The following MRPL58 variants were observed in gnomAD, a reference collection of about 807,000 sequenced individuals.
MRPL58 encodes the protein mitochondrial ribosomal protein L58.
In MRPL58, 17 loss-of-function variants were observed where a neutral mutation model predicts 26.0. The ratio of observed to expected loss-of-function variants is 0.65; its 90% CI spans 0.45 to 0.98. The LOEUF is 0.98. MRPL58 is among the 50% of genes least tolerant of loss of function. MRPL58 has a pLI of 0.00. For missense variants in MRPL58, 250 were observed against 269.0 expected, an observed-to-expected ratio of 0.93 and a Z score of 0.49; for synonymous variants, 100 against 99.7, an observed-to-expected ratio of 1.00 and a Z score of -0.02.
Position 75,020,351 on chromosome 17 carries a change from G to T in MRPL58, c.322G>T (p.Ala108Ser). 1.2e-6 allele frequency: 2 copies of T among 1,614,148 alleles called. No homozygotes were observed. The highest frequency in any genetic ancestry group is 1.7e-6 in the Non-Finnish European group (2 of 1,180,024). ...AGAAGTCAGGTTCCATTTGGCAACT[G>T]CCGAGTGGATCGCGGAGCCCGTGCG... ...KAEVRFHLAT[A>S]EWIAEPVRQK... Residue 108 changes from alanine (A) to serine (S), a missense_variant, in exon 4 of 6, where the codon GCC (alanine) becomes TCC (serine). Physicochemically the swap from Ala to Ser is moderately conservative, Grantham distance 99. Coordinates refer to ENST00000301585, the MANE Select transcript of MRPL58 (RefSeq NM_001545.3).
rs540669075 is a variant in MRPL58 at position 75,012,756 on chromosome 17, C to T, written c.70C>T (p.Arg24Trp). ...AGTCTGGCTGCTCCCACCGCCCGCA[C>T]GGTGCCCACGCCGGGCGCTGCACAA... ...AGVWLLPPPARCPRRALHKQK... is the reference protein window; with the variant it reads ...AGVWLLPPPAWCPRRALHKQK... Residue 24 changes from arginine to tryptophan, a missense_variant, in exon 1 of 6, where the codon CGG (arginine) becomes TGG (tryptophan). Coordinates refer to ENST00000301585, the MANE Select transcript of MRPL58 (RefSeq NM_001545.3). The T allele has an allele frequency of 1.4e-5, 23 of 1,592,978 alleles. No homozygotes were observed. Among genetic ancestry groups the T allele is most frequent in the East Asian group, 2.3e-5 (1 of 43,522 alleles).
At chr17:75,019,061 T>C (rs942189070) in intron 2 of MRPL58, among the ~76,000 whole-genome samples, 4 of 151,920 alleles carry the variant, frequency 2.6e-5, no homozygotes, top group African/African-American at 7.2e-5. Flanking sequence ...GCCTGGGATG[T>C]TGAGGCTGCA....
At position 75,019,125 on chromosome 17, in the gene MRPL58, G is replaced by T. The variant is rs758702411; in HGVS notation, c.224-575G>T. On this transcript the variant is annotated intron_variant, in intron 2 of 5. Transcript: ENST00000301585. ...AGCCTGGGTGCCAGAGTGAGACCCTGTCTCAAAAAAAAAAAAAATGAAGCT... is the reference window on the plus strand; with the variant it reads ...AGCCTGGGTGCCAGAGTGAGACCCTTTCTCAAAAAAAAAAAAAATGAAGCT... Among the ~76,000 whole-genome samples the T allele has an allele frequency of 1.9e-3, 234 of 122,460 alleles. 1 individual carries two copies. Among genetic ancestry groups the T allele is most frequent in the Non-Finnish European group, 3.3e-3 (200 of 60,820 alleles). The allele number at this position is 122,460 out of a possible 152,430, so 80.3% of individuals were successfully genotyped here.
intron 1 of MRPL58, among the ~76,000 whole-genome samples, chr17:75,014,027 A>C (rs370075436): frequency 6.6e-6 from 1 of 152,208 alleles, no homozygotes; most frequent in Non-Finnish European, 1.5e-5. Flanking sequence ...AGGAGATTGC[A>C]ATGTAGGGCA....
In MRPL58 at chr17:75,020,938, G is replaced by A. The variant is rs528370211; in HGVS notation, c.554G>A (p.Arg185Gln). 1.1e-5 allele frequency: 18 copies of A among 1,613,672 alleles called. No individual in the cohort carries two copies. In the Admixed American group the frequency reaches 1.7e-4, roughly 15 times the overall value. The part of the protein sequence containing the change: ...LHRIRIENMN[R>Q]ERLRQKRIHS... Reference sequence around the variant, plus strand: ...GTTTTCAGGATAGAAAACATGAATCGGGAAAGGCTGAGACAAAAGAGAATT... The same window carrying A: ...GTTTTCAGGATAGAAAACATGAATCAGGAAAGGCTGAGACAAAAGAGAATT... Residue 185 changes from arginine (R) to glutamine (Q), a missense_variant, in exon 6 of 6, where the codon CGG becomes CAG. Coordinates refer to ENST00000301585, the MANE Select transcript of MRPL58 (RefSeq NM_001545.3).
At chr17:75,016,342 A>T (rs904302133) in intron 1 of MRPL58, among the ~76,000 whole-genome samples, 3 of 151,808 alleles carry the variant, frequency 2.0e-5, no homozygotes, top group African/African-American at 7.3e-5. Context: ...CTTGAACCCA[A>T]GAGGCGGAGG....
chr17:75,018,576 A>C (rs1385027716), intron 2 of MRPL58: 1 of 151,986 alleles, frequency 6.6e-6, no homozygotes, highest in African/African-American at 2.4e-5. Flanking sequence ...TTATATCCCT[A>C]TCTGTGTAGA....
chr17:75,015,744 C>G (rs1016798714), intron 1 of MRPL58, among the ~76,000 whole-genome samples: 15 of 152,004 alleles, frequency 9.9e-5, no homozygotes, highest in Non-Finnish European at 1.5e-4. Context: ...GGGTTTCATC[C>G]CCAAATAATT....
rs140000099 is a variant in MRPL58, at chr17:75,020,353, C to T, written c.324C>T (p.Ala108=). 1.4e-5 allele frequency: 23 copies of T among 1,614,144 alleles called. No individual in the cohort carries two copies. In the East Asian group the frequency reaches 2.0e-4, roughly 14 times the overall value. Residue 108 remains alanine, a synonymous_variant, in exon 4 of 6, where the codon GCC becomes GCT. Coordinates refer to ENST00000301585, the MANE Select transcript of MRPL58 (RefSeq NM_001545.3). The part of the protein sequence containing the change: ...KAEVRFHLAT[A]EWIAEPVRQK... ...AAGTCAGGTTCCATTTGGCAACTGC[C>T]GAGTGGATCGCGGAGCCCGTGCGGC...
intron 5 of MRPL58, 126 bp downstream of exon 5, chr17:75,020,783 C>A: frequency 8.0e-7 from 1 of 1,254,432 alleles, no homozygotes; most frequent in African/African-American, 1.5e-5. Flanking sequence ...GGAGAGGATG[C>A]TGACCTGGGA....
chr17:75,019,307 C>A (rs2039997693), intron 2 of MRPL58, among the ~76,000 whole-genome samples: 1 of 152,180 alleles, frequency 6.6e-6, no homozygotes, highest in Admixed American at 6.5e-5. Flanking sequence ...CAGCCTCCCA[C>A]ACTCTCATGG....
rs2040005964 is a variant in MRPL58, at chr17:75,020,328, A to C, written c.299A>C (p.Glu100Ala). The C allele has an allele frequency of 6.2e-7, 1 of 1,614,044 alleles. No individual in the cohort carries two copies. ...QNVNKVNSKA[E>A]VRFHLATAEW... ...TCCTCCACAGTGAATTCCAAGGCAGAAGTCAGGTTCCATTTGGCAACTGCC... is the reference window on the plus strand; with the variant it reads ...TCCTCCACAGTGAATTCCAAGGCAGCAGTCAGGTTCCATTTGGCAACTGCC... Residue 100 changes from glutamate (E) to alanine (A), a missense_variant, in exon 4 of 6, where the codon GAA (glutamate) becomes GCA (alanine). Physicochemically the swap from Glu to Ala is moderately radical, Grantham distance 107. Coordinates refer to ENST00000301585, the MANE Select transcript of MRPL58 (RefSeq NM_001545.3).
At chr17:75,013,008 T>G (rs190108287) in intron 1 of MRPL58, 136 bp downstream of exon 1, 86 of 794,030 alleles carry the variant, frequency 1.1e-4, no homozygotes, top group Middle Eastern at 6.4e-4. Context: ...GGGCTGGCTG[T>G]CTGCGCTAAC....
intron 3 of MRPL58, 49 bp downstream of exon 3, chr17:75,019,808 A>G: frequency 6.7e-7 from 1 of 1,497,556 alleles, no homozygotes; most frequent in Non-Finnish European, 9.2e-7. Context: ...TAGCTGGGAG[A>G]TGGGCTTGAG....
At chr17:75,017,818 G>A (rs577766544) in intron 2 of MRPL58, among the ~76,000 whole-genome samples, 25 of 152,128 alleles carry the variant, frequency 1.6e-4, no homozygotes, top group Non-Finnish European at 2.9e-5. Flanking sequence ...CAGCTACTCG[G>A]AAGGCTGAGG....
chr17:75,018,768 G>A (rs1041835400), intron 2 of MRPL58: 12 of 152,078 alleles, frequency 7.9e-5, no homozygotes, highest in Non-Finnish European at 1.8e-4. Flanking sequence ...GTTACAGCCT[G>A]TAAAGAAACA....
intron 1 of MRPL58, among the ~76,000 whole-genome samples, chr17:75,015,560 G>A (rs566558401): frequency 6.6e-6 from 1 of 152,222 alleles, no homozygotes; most frequent in South Asian, 2.1e-4. Flanking sequence ...GAGAGAGAGA[G>A]AAGTATTTCA....
chr17:75,020,922 A>C lies in MRPL58; in HGVS notation c.538A>C (p.Ile180Leu). The C allele has an allele frequency of 6.2e-7, 1 of 1,611,412 alleles. No homozygotes were observed. The highest frequency in any genetic ancestry group is 8.5e-7 in the Non-Finnish European group (1 of 1,177,590). ...KEDVKLHRIRIENMNRERLRQ... is the reference protein window; with the variant it reads ...KEDVKLHRIRLENMNRERLRQ... ...TAATTGCAGTCTTTTTGTTTTCAGG[A>C]TAGAAAACATGAATCGGGAAAGGCT... Residue 180 changes from isoleucine to leucine, a missense_variant and splice_region_variant, in exon 6 of 6, where the codon ATA (isoleucine) becomes CTA (leucine). Coordinates refer to ENST00000301585, the MANE Select transcript of MRPL58 (RefSeq NM_001545.3).
chr17:75,017,111 C>T lies in MRPL58; in HGVS notation c.220C>T (p.Leu74=). ...GAKQADSDIP[L]DRLTISYCRS... is the part of the protein sequence containing the mutation. Reference sequence around the variant, plus strand: ...AAAGCAAGCCGACAGTGACATCCCTCTAGGTAAGTAATTTTGTTTTCTTAA... The same window carrying T: ...AAAGCAAGCCGACAGTGACATCCCTTTAGGTAAGTAATTTTGTTTTCTTAA... The change falls in exon 2 of 6, where the codon CTA becomes TTA. Residue 74 remains leucine (L), a synonymous_variant. Transcript: ENST00000301585. 1 of 1,611,670 alleles carries T rather than the reference C, an allele frequency of 6.2e-7. No homozygotes were observed. The highest frequency in any genetic ancestry group is 8.5e-7 in the Non-Finnish European group (1 of 1,177,766).
Sources: gnomAD v4.1 joint callset for allele counts (sites outside exome capture counted in the v4.1 genomes callset) on GRCh38, gnomAD v4.1.1 for gene constraint, MANE v1.5 for transcripts, NCBI Gene and HGNC (gene_info 2026-07-23, HGNC 2026-07-21) for gene names.